The following ANKS1B variants were observed in gnomAD, a reference collection of about 807,000 sequenced individuals.
ANKS1B encodes ankyrin repeat and sterile alpha motif domain-containing protein 1B.
A neutral mutation model predicts 148.3 loss-of-function variants in ANKS1B; 36 were observed. That is an observed-to-expected ratio of 0.24 (90% CI 0.19 to 0.32). ANKS1B has a LOEUF of 0.32. ANKS1B is among the 10% of genes least tolerant of loss of function. The pLI, the probability that ANKS1B is intolerant of heterozygous loss-of-function variation, is 1.00. For synonymous variants in ANKS1B, 542 were observed against 560.8 expected (o/e 0.97, Z 0.47); for missense variants, 1,157 against 1,542.6 (o/e 0.75, Z 4.19).
chr12:99,550,096 C>T (rs1464738959), intron 9 of ANKS1B, among the ~76,000 whole-genome samples: 4 of 152,178 alleles, frequency 2.6e-5, no homozygotes, highest in African/African-American at 9.7e-5. Context: ...TTACCCTCGC[C>T]TTCCCTTCAA....
intron 9 of ANKS1B, among the ~76,000 whole-genome samples, chr12:99,637,599 G>A (rs922593351): frequency 1.3e-5 from 2 of 151,958 alleles, no homozygotes; most frequent in Non-Finnish European, 2.9e-5. Flanking sequence ...GCAGAAGAAC[G>A]TGAAAAGAAT....
intron 14 of ANKS1B, among the ~76,000 whole-genome samples, chr12:99,165,888 T>G (rs1369500845): frequency 6.6e-6 from 1 of 151,958 alleles, no homozygotes; most frequent in African/African-American, 2.4e-5. Context: ...TTAACAAAAT[T>G]TTGGCAAATA....
chr12:99,316,055 T>A (rs2084028708), intron 12 of ANKS1B, among the ~76,000 whole-genome samples: 1 of 152,248 alleles, frequency 6.6e-6, no homozygotes, highest in African/African-American at 2.4e-5. Context: ...CACATTTTCT[T>A]TATTCAGTCT....
chr12:99,731,413 C>CATGTGTGT (rs1237223581), intron 8 of ANKS1B, among the ~76,000 whole-genome samples: 1 of 143,726 alleles, frequency 7.0e-6, no homozygotes, highest in Non-Finnish European at 1.5e-5. Flanking sequence ...ACCACCGTGC[C>CATGTGTGT]GTGTGTGTGT....
chr12:99,385,334 T>C (rs2152525948), intron 12 of ANKS1B, among the ~76,000 whole-genome samples: 1 of 152,286 alleles, frequency 6.6e-6, no homozygotes, highest in African/African-American at 2.4e-5. Flanking sequence ...CTGGGCGTGC[T>C]GGCACGTGCC....
chr12:98,959,919 T>C (rs924933610), intron 17 of ANKS1B, among the ~76,000 whole-genome samples: 1 of 151,560 alleles, frequency 6.6e-6, no homozygotes, highest in Non-Finnish European at 1.5e-5. Flanking sequence ...GAGGGAAGAG[T>C]AGAAGAACTT....
chr12:98,747,927 G>A (rs2097937323), intron 26 of ANKS1B, among the ~76,000 whole-genome samples: 1 of 152,186 alleles, frequency 6.6e-6, no homozygotes. Flanking sequence ...GAGTAGAATG[G>A]TGGTTACCAG....
intron 9 of ANKS1B, among the ~76,000 whole-genome samples, chr12:99,653,656 T>G (rs925855941): frequency 1.3e-5 from 2 of 150,736 alleles, no homozygotes; most frequent in African/African-American, 4.9e-5. Context: ...GAAGACATTT[T>G]TTTCTCTTCC....
chr12:98,856,552 G>A (rs1335739543), intron 17 of ANKS1B, among the ~76,000 whole-genome samples: 2 of 152,326 alleles, frequency 1.3e-5, no homozygotes, highest in Non-Finnish European at 2.9e-5. Context: ...TTTCATGTGT[G>A]TGTGCATGAG....
chr12:99,737,940 A>G (rs1411511597), intron 8 of ANKS1B, among the ~76,000 whole-genome samples: 1 of 152,156 alleles, frequency 6.6e-6, no homozygotes, highest in East Asian at 1.9e-4. Flanking sequence ...CCTAAGCCAT[A>G]GTCCCATAGA....
chr12:99,035,862 C>T (rs2099955226), intron 17 of ANKS1B, among the ~76,000 whole-genome samples: 1 of 152,096 alleles, frequency 6.6e-6, no homozygotes, highest in Non-Finnish European at 1.5e-5. Context: ...AAGCACGTGG[C>T]CATGGCTGGG....
At chr12:99,400,032 T>C (rs2094358902) in intron 11 of ANKS1B, among the ~76,000 whole-genome samples, 1 of 152,154 alleles carries the variant, frequency 6.6e-6, no homozygotes, top group South Asian at 2.1e-4. Flanking sequence ...GTTGATGTGA[T>C]AGGTTAGGCT....
At chr12:99,554,239 G>A (rs1046443669) in intron 9 of ANKS1B, among the ~76,000 whole-genome samples, 2 of 152,268 alleles carry the variant, frequency 1.3e-5, no homozygotes, top group South Asian at 2.1e-4. Context: ...CAATTGAGAA[G>A]TCTATGAGAT....
chr12:99,476,227 T>C (rs1231254221), intron 10 of ANKS1B, among the ~76,000 whole-genome samples: 3 of 152,052 alleles, frequency 2.0e-5, no homozygotes, highest in East Asian at 3.9e-4. Flanking sequence ...ATCCCATCTC[T>C]ACTAAAAATA....
intron 17 of ANKS1B, among the ~76,000 whole-genome samples, chr12:98,855,683 T>C (rs1193376998): frequency 6.6e-6 from 1 of 152,222 alleles, no homozygotes; most frequent in Non-Finnish European, 1.5e-5. Flanking sequence ...GCTGGGACTA[T>C]ACAAATACAT....
At chr12:98,915,319 T>C (rs1167640480) in intron 17 of ANKS1B, among the ~76,000 whole-genome samples, 8 of 152,020 alleles carry the variant, frequency 5.3e-5, no homozygotes, top group Non-Finnish European at 8.8e-5. Context: ...AGACTTGATT[T>C]CAGACTTCTA....
At chr12:99,228,576 G>A (rs963033191) in intron 14 of ANKS1B, among the ~76,000 whole-genome samples, 5 of 151,848 alleles carry the variant, frequency 3.3e-5, no homozygotes, top group South Asian at 4.2e-4. Context: ...TTGGTAAAAT[G>A]GTATGTGAAA....
chr12:99,759,402 A>G (rs1054619122), intron 8 of ANKS1B, among the ~76,000 whole-genome samples: 2 of 151,968 alleles, frequency 1.3e-5, no homozygotes, highest in African/African-American at 4.8e-5. Context: ...ATGAATTCCA[A>G]TATTCTTTAG....
intron 15 of ANKS1B, among the ~76,000 whole-genome samples, chr12:99,143,726 G>A (rs1241252251): frequency 3.3e-5 from 5 of 152,012 alleles, no homozygotes; most frequent in African/African-American, 9.7e-5. Flanking sequence ...CCCTGTGTAT[G>A]GTGAGAAAGT....
Sources: gnomAD v4.1 joint callset for allele counts (sites outside exome capture counted in the v4.1 genomes callset) on GRCh38, gnomAD v4.1.1 for gene constraint, MANE v1.5 for transcripts, NCBI Gene and HGNC (gene_info 2026-07-23, HGNC 2026-07-21) for gene names.